The following TTC6 variants were observed in gnomAD, a reference collection of about 807,000 sequenced individuals.
TTC6 encodes the protein tetratricopeptide repeat protein 6.
A neutral mutation model predicts 210.4 loss-of-function variants in TTC6; 172 were observed. The ratio of observed to expected loss-of-function variants is 0.82; its 90% CI spans 0.72 to 0.93. The LOEUF (loss-of-function observed/expected upper bound fraction) is 0.93. Among genes scored for constraint, TTC6 ranks in the 40% least tolerant of loss-of-function variants. The pLI is 0.00. For missense variants in TTC6, 2,414 were observed against 2,318.1 expected (o/e 1.04, Z -0.85); for synonymous variants, 804 against 819.6 (o/e 0.98, Z 0.32).
At chr14:37,759,202 G>A (rs2095976673) in intron 14 of TTC6, among the ~76,000 whole-genome samples, 1 of 150,336 alleles carries the variant, frequency 6.7e-6, no homozygotes. Context: ...GGCGGAGGTT[G>A]CAATGAGCCG....
At chr14:37,796,869 C>T (rs9805910) in exon 20 of TTC6, 675,703 of 1,609,266 alleles carry the variant, frequency 0.42, 149,988 homozygotes, top group Non-Finnish European at 0.46. Context: ...AGGTCTTGGA[C>T]GGAATCAGCT....
chr14:37,837,303 G>A (rs1348250228), intron 29 of TTC6: 1 of 411,980 alleles, frequency 2.4e-6, no homozygotes, highest in Admixed American at 2.9e-5. Flanking sequence ...GAATTAAAAT[G>A]AAGTCTAAAT....
intron 7 of TTC6, among the ~76,000 whole-genome samples, chr14:37,728,792 A>G (rs2095878927): frequency 6.6e-6 from 1 of 152,188 alleles, no homozygotes; most frequent in South Asian, 2.1e-4. Context: ...AAGGGCTATT[A>G]CAATTACTTC....
chr14:37,753,451 C>T (rs1234698075), intron 14 of TTC6, among the ~76,000 whole-genome samples: 1 of 152,252 alleles, frequency 6.6e-6, no homozygotes, highest in East Asian at 1.9e-4. Flanking sequence ...ATTTGCATTT[C>T]CTAAATACTA....
intron 14 of TTC6, among the ~76,000 whole-genome samples, chr14:37,764,879 AT>A (rs1468315874): frequency 6.6e-5 from 10 of 151,482 alleles, no homozygotes; most frequent in Non-Finnish European, 1.3e-4. Flanking sequence ...TGTATACTGT[AT>A]TTATATTTTT....
rs532690678 is a variant in TTC6 at position 37,670,474 on chromosome 14, C to CCTTTTTT, written c.940-9677_940-9676insCTTTTTT. ...TAAGGATCTAGCACAAACTACCTCACTTTTTTTTTTTTTTTTTTTTTAGTC... is the reference window on the plus strand; with the variant it reads ...TAAGGATCTAGCACAAACTACCTCACCTTTTTTTTTTTTTTTTTTTTTTTTTTTAGTC... On this transcript the variant is annotated intron_variant, in intron 1 of 30. Coordinates refer to ENST00000553443, the Ensembl canonical transcript of TTC6. Among the ~76,000 whole-genome samples, 115 of 121,324 alleles carry CCTTTTTT rather than the reference C, an allele frequency of 9.5e-4. 7 individuals carry two copies. The highest frequency in any genetic ancestry group is 9.6e-3 in the Middle Eastern group (2 of 208). 79.6% of individuals were successfully genotyped at this position (121,324 alleles called of 152,430 possible). A position where few individuals can be genotyped will look rare whatever the true frequency, so the allele number is the denominator to read the frequency against.
intron 14 of TTC6, among the ~76,000 whole-genome samples, chr14:37,784,218 G>C (rs1001838050): frequency 9.2e-5 from 14 of 152,222 alleles, no homozygotes; most frequent in African/African-American, 3.4e-4. Flanking sequence ...GTTGACAGTG[G>C]GGTGTTAAAG....
intron 1 of TTC6, among the ~76,000 whole-genome samples, chr14:37,655,060 C>T (rs1325668526): frequency 6.6e-6 from 1 of 152,196 alleles, no homozygotes; most frequent in Non-Finnish European, 1.5e-5. Flanking sequence ...GGCTGCTCTT[C>T]GCATGTGCAT....
intron 6 of TTC6, among the ~76,000 whole-genome samples, chr14:37,724,287 T>C (rs1035653681): frequency 6.8e-4 from 104 of 152,260 alleles, no homozygotes; most frequent in Non-Finnish European, 8.4e-4. Context: ...CTTTACTAGA[T>C]GTATTCGTGA....
intron 1 of TTC6, among the ~76,000 whole-genome samples, chr14:37,623,667 T>A (rs925654199): frequency 1.3e-5 from 2 of 152,050 alleles, no homozygotes; most frequent in South Asian, 4.1e-4. Flanking sequence ...TTTAGTGAAG[T>A]TAAAAAAGAT....
Position 37,795,253 on chromosome 14 carries a change from T to C in TTC6, c.3709-17T>C, listed in dbSNP as rs753387332. On this transcript the variant is annotated splice_polypyrimidine_tract_variant and intron_variant, in intron 17 of 30. Transcript: ENST00000553443. ...TCGATGTTATTAGGAGCTAAATTTC[T>C]GTTTCTCACTCAACAGTTGCATAAA... 1.5e-4 allele frequency: 233 copies of C among 1,514,048 alleles called. No homozygotes were observed. The highest frequency in any genetic ancestry group is 2.0e-4 in the Non-Finnish European group (231 of 1,130,682). 93.8% of individuals were successfully genotyped at this position (1,514,048 alleles called of 1,614,324 possible). A position where few individuals can be genotyped will look rare whatever the true frequency, so the allele number is the denominator to read the frequency against.
At position 37,679,495 on chromosome 14, in the gene TTC6, C is replaced by T. The variant is rs185215884; in HGVS notation, c.940-656C>T. ...TCCAGTGAGGTTTTAAGCATATTCC[C>T]TCTTGCCCTTGGTTGCATTAAATTT... On this transcript the variant is annotated intron_variant, in intron 1 of 30. Transcript: ENST00000553443. Among the ~76,000 whole-genome samples, 170 of 152,190 alleles carry T rather than the reference C, an allele frequency of 1.1e-3. 1 individual carries two copies. The Middle Eastern group carries it at 0.017, about 15-fold the overall frequency.
chr14:37,633,452 A>C (rs1180097042), intron 1 of TTC6, among the ~76,000 whole-genome samples: 1 of 152,000 alleles, frequency 6.6e-6, no homozygotes, highest in Non-Finnish European at 1.5e-5. Flanking sequence ...TGTGGGCTGC[A>C]CCCACTGTCT....
chr14:37,614,907 C>T (rs1292576176), intron 2 of TTC6, among the ~76,000 whole-genome samples: 1 of 152,062 alleles, frequency 6.6e-6, no homozygotes, highest in Non-Finnish European at 1.5e-5. Context: ...GCACCATGCC[C>T]AGCTAACTTT....
chr14:37,786,349 T>C (rs2096067637), intron 14 of TTC6, among the ~76,000 whole-genome samples: 1 of 152,204 alleles, frequency 6.6e-6, no homozygotes, highest in Admixed American at 6.5e-5. Flanking sequence ...CCCAGCCTCG[T>C]TGCTGCCTTG....
chr14:37,634,721 T>G lies in TTC6; in HGVS notation c.939+11718T>G, dbSNP rs73263321. Among the ~76,000 whole-genome samples the G allele has an allele frequency of 2.6e-3, 394 of 152,234 alleles. 1 individual carries two copies. The highest frequency in any genetic ancestry group is 8.5e-3 in the African/African-American group (351 of 41,536). On this transcript the variant is annotated intron_variant, in intron 1 of 30. Transcript: ENST00000553443. ...AACTAAAGTCAAAGAAACAAAAATT[T>G]AAAGCAGTGAGAGAGAAACAATATG...
At chr14:37,629,651 G>A in intron 1 of TTC6, among the ~76,000 whole-genome samples, 1 of 152,190 alleles carries the variant, frequency 6.6e-6, no homozygotes, top group East Asian at 1.9e-4. Context: ...ATGTTGAATA[G>A]GAGGGGTGAG....
intron 14 of TTC6, among the ~76,000 whole-genome samples, chr14:37,754,488 G>T (rs938753061): frequency 5.3e-5 from 8 of 151,210 alleles, no homozygotes; most frequent in Non-Finnish European, 1.5e-5. Flanking sequence ...ACTGGAGTGC[G>T]ATGGCAAAGT....
intron 14 of TTC6, among the ~76,000 whole-genome samples, chr14:37,768,276 T>C (rs868054231): frequency 5.9e-5 from 9 of 151,366 alleles, no homozygotes; most frequent in South Asian, 2.1e-4. Flanking sequence ...ATTGACTTGG[T>C]GATGCGGGCT....
Sources: gnomAD v4.1 joint callset for allele counts (sites outside exome capture counted in the v4.1 genomes callset) on GRCh38, gnomAD v4.1.1 for gene constraint, MANE v1.5 for transcripts, NCBI Gene and HGNC (gene_info 2026-07-23, HGNC 2026-07-21) for gene names.